Variants in USH2A observed in about 807,000 individuals in gnomAD.
The protein encoded by USH2A is usherin.
A neutral mutation model predicts 538.9 loss-of-function variants in USH2A; 443 were observed. The ratio of observed to expected loss-of-function variants is 0.82; its 90% CI spans 0.76 to 0.89. The LOEUF is 0.89. Ranked by LOEUF, USH2A falls within the 40% of genes least tolerant of loss-of-function variation. The probability of loss-of-function intolerance (pLI) is 0.00; values close to 1 mark genes in which losing one functional copy is unlikely to be tolerated. For synonymous variants in USH2A, 2,413 were observed against 2,273.5 expected (o/e 1.06, Z -1.75); for missense variants, 6,633 against 6,324.8 (o/e 1.05, Z -1.65).
intron 32 of USH2A, among the ~76,000 whole-genome samples, chr1:216,003,976 A>G (rs1668333297): frequency 6.6e-6 from 1 of 152,176 alleles, no homozygotes; most frequent in Admixed American, 6.5e-5. Context: ...TTAAAGGCAA[A>G]GCTAACAGGA....
intron 32 of USH2A, among the ~76,000 whole-genome samples, chr1:216,003,085 G>A (rs1162174779): frequency 6.6e-6 from 1 of 152,112 alleles, no homozygotes; most frequent in African/African-American, 2.4e-5. Flanking sequence ...CTTCCATGGA[G>A]TGGGAAGTGT....
chr1:215,816,135 C>T (rs962740036), intron 48 of USH2A, among the ~76,000 whole-genome samples: 1 of 151,936 alleles, frequency 6.6e-6, no homozygotes, highest in African/African-American at 2.4e-5. Flanking sequence ...TTTTTCTTCT[C>T]AGAAATCCCA....
At chr1:215,921,798 G>C (rs920150410) in intron 38 of USH2A, among the ~76,000 whole-genome samples, 4 of 151,922 alleles carry the variant, frequency 2.6e-5, no homozygotes, top group African/African-American at 9.7e-5. Flanking sequence ...GTGTAAATAG[G>C]GATAATAATA....
At chr1:216,007,997 C>T (rs1203937146) in intron 32 of USH2A, among the ~76,000 whole-genome samples, 1 of 152,202 alleles carries the variant, frequency 6.6e-6, no homozygotes, top group East Asian at 1.9e-4. Context: ...CTCACCTATG[C>T]TTATCATAAC....
intron 35 of USH2A, among the ~76,000 whole-genome samples, chr1:215,980,680 T>C (rs1291649716): frequency 1.3e-5 from 2 of 152,080 alleles, no homozygotes; most frequent in East Asian, 1.9e-4. Flanking sequence ...AAGTTTCTCA[T>C]GGTTTTCTAA....
intron 32 of USH2A, among the ~76,000 whole-genome samples, chr1:216,003,384 C>T (rs984876615): frequency 6.6e-6 from 1 of 152,076 alleles, no homozygotes; most frequent in African/African-American, 2.4e-5. Flanking sequence ...GTTCATGCTG[C>T]ATTACATGAA....
At chr1:215,730,033 GA>G (rs1659946419) in intron 60 of USH2A, among the ~76,000 whole-genome samples, 1 of 152,186 alleles carries the variant, frequency 6.6e-6, no homozygotes. Flanking sequence ...TCTGAGGATG[GA>G]ATTGTTTAGG....
chr1:215,960,369 A>G (rs1667169340), intron 37 of USH2A, among the ~76,000 whole-genome samples: 1 of 152,108 alleles, frequency 6.6e-6, no homozygotes, highest in Admixed American at 6.6e-5. Context: ...TAAAAATTAT[A>G]TATTCAATAT....
chr1:215,814,039 T>TA, intron 48 of USH2A, 135 bp from the exon 49 acceptor site: 1 of 1,031,462 alleles, frequency 9.7e-7, no homozygotes, highest in Non-Finnish European at 1.4e-6. Context: ...TTCGTTGGTT[T>TA]AAAAATGTAT....
At chr1:215,775,675 T>G (rs559321696) in intron 55 of USH2A, among the ~76,000 whole-genome samples, 1 of 152,322 alleles carries the variant, frequency 6.6e-6, no homozygotes, top group African/African-American at 2.4e-5. Context: ...TTACAAAGAA[T>G]TTCTACATTT....
chr1:216,011,260 C>T (rs1212162014), intron 32 of USH2A, among the ~76,000 whole-genome samples: 1 of 152,128 alleles, frequency 6.6e-6, no homozygotes, highest in Non-Finnish European at 1.5e-5. Flanking sequence ...AATATGCTTT[C>T]TTTACTATTC....
At chr1:216,405,694 G>C (rs781492580) in intron 3 of USH2A, among the ~76,000 whole-genome samples, 5 of 152,134 alleles carry the variant, frequency 3.3e-5, no homozygotes, top group African/African-American at 4.8e-5. Context: ...ATTTATTCCA[G>C]AGAAACGAAT....
In USH2A at chr1:216,076,692, C is replaced by T. The variant is rs1436781; in HGVS notation, c.5572+1397G>A. On this transcript the variant is annotated intron_variant, in intron 27 of 71. Coordinates refer to ENST00000307340, the MANE Select transcript of USH2A (RefSeq NM_206933.4). ...CCTTGAAAATGTCATTACTGTCTTA[C>T]ACCCCAGTTATTCATTAACTCCTTA... Among the ~76,000 whole-genome samples, 16 of 152,224 alleles carry T rather than the reference C, an allele frequency of 1.1e-4. No homozygotes were observed. The East Asian group carries it at 3.1e-3, about 29-fold the overall frequency.
chr1:215,660,080 T>A (rs1469665179), intron 64 of USH2A, among the ~76,000 whole-genome samples: 1 of 152,212 alleles, frequency 6.6e-6, no homozygotes, highest in Non-Finnish European at 1.5e-5. Flanking sequence ...TGCATACAAA[T>A]GCAATTTGGA....
At position 216,250,974 on chromosome 1, in the gene USH2A, G is replaced by A; in HGVS notation, c.2096C>T (p.Ser699Phe). ...DGCSPCNCNT[S>F]GTVDGDITCH... Reference sequence around the variant, plus strand: ...GGTAATATCTCCATCCACTGTCCCAGAGGTATTGCAGTTACAGGGACTGCA... The same window carrying A: ...GGTAATATCTCCATCCACTGTCCCAAAGGTATTGCAGTTACAGGGACTGCA... The change falls in exon 12 of 72, where the codon TCT becomes TTT. Residue 699 changes from serine (S) to phenylalanine (F), a missense_variant. By Grantham distance (155) the Ser-to-Phe change is radical. Coordinates refer to ENST00000307340, the MANE Select transcript of USH2A (RefSeq NM_206933.4). 6.2e-7 allele frequency: 1 copy of A among 1,614,056 alleles called. No homozygotes were observed. The highest frequency in any genetic ancestry group is 8.5e-7 in the Non-Finnish European group (1 of 1,179,994).
intron 3 of USH2A, among the ~76,000 whole-genome samples, chr1:216,368,870 G>T (rs1332141629): frequency 6.6e-6 from 1 of 152,104 alleles, no homozygotes. Flanking sequence ...AGCTTCCCAG[G>T]AAGAGCAGTT....
chr1:215,776,725 T>C (rs1661479911), intron 55 of USH2A, among the ~76,000 whole-genome samples: 1 of 152,156 alleles, frequency 6.6e-6, no homozygotes, highest in African/African-American at 2.4e-5. Flanking sequence ...AGAAAATAAA[T>C]TTGATTATTT....
At chr1:216,039,358 G>A (rs537981465) in intron 32 of USH2A, among the ~76,000 whole-genome samples, 91 of 152,056 alleles carry the variant, frequency 6.0e-4, no homozygotes, top group Middle Eastern at 3.4e-3. Flanking sequence ...CTCAGACTTT[G>A]TACAATTTAA....
intron 35 of USH2A, among the ~76,000 whole-genome samples, chr1:215,989,972 A>G (rs1466130035): frequency 1.3e-5 from 2 of 152,140 alleles, no homozygotes; most frequent in African/African-American, 4.8e-5. Flanking sequence ...TACTTATTCA[A>G]TTGGTGCTCC....
Sources: allele counts gnomAD v4.1 joint callset (sites outside exome capture counted in the v4.1 genomes callset), GRCh38; gene constraint gnomAD v4.1.1; transcripts MANE v1.5; gene names NCBI Gene and HGNC (gene_info 2026-07-23, HGNC 2026-07-21).